The following ELMO1 variants were observed in gnomAD, a reference collection of about 807,000 sequenced individuals.
The protein encoded by ELMO1 is engulfment and cell motility protein 1.
ELMO1 carries 26 observed loss-of-function variants against 98.9 expected under a neutral mutation model. That is an observed-to-expected ratio of 0.26 (90% CI 0.19 to 0.36). ELMO1 has a LOEUF of 0.36. Among genes scored for constraint, ELMO1 ranks in the 10% least tolerant of loss-of-function variants. ELMO1 has a pLI of 1.00. For missense variants in ELMO1, 627 were observed against 935.2 expected (o/e 0.67, Z 4.30); for synonymous variants, 346 against 346.0 (o/e 1.00, Z 0.00).
At chr7:37,154,940 G>T (rs1469849075) in intron 13 of ELMO1, among the ~76,000 whole-genome samples, 2 of 152,226 alleles carry the variant, frequency 1.3e-5, no homozygotes, top group African/African-American at 4.8e-5. Context: ...ACAAAGGGAA[G>T]CCCATCAGAC....
chr7:37,235,929 A>C (rs1794437272), intron 7 of ELMO1, among the ~76,000 whole-genome samples: 1 of 152,212 alleles, frequency 6.6e-6, no homozygotes, highest in African/African-American at 2.4e-5. Flanking sequence ...AAGAAAGATA[A>C]AACAAATAAA....
chr7:37,370,530 T>C (rs1802076082), intron 1 of ELMO1, among the ~76,000 whole-genome samples: 1 of 152,102 alleles, frequency 6.6e-6, no homozygotes, highest in African/African-American at 2.4e-5. Context: ...GTGACATCGA[T>C]AATGAACAAA....
At chr7:37,187,217 T>G (rs1791262946) in intron 13 of ELMO1, among the ~76,000 whole-genome samples, 1 of 152,162 alleles carries the variant, frequency 6.6e-6, no homozygotes, top group South Asian at 2.1e-4. Flanking sequence ...CAAAAGACTA[T>G]GTATTGTATG....
At chr7:36,924,719 T>C (rs1190944918) in intron 16 of ELMO1, among the ~76,000 whole-genome samples, 1 of 152,044 alleles carries the variant, frequency 6.6e-6, no homozygotes, top group African/African-American at 2.4e-5. Flanking sequence ...TTTCATCTGA[T>C]GGAGGCCATC....
At chr7:37,346,197 G>A (rs566593930) in intron 1 of ELMO1, among the ~76,000 whole-genome samples, 2 of 152,214 alleles carry the variant, frequency 1.3e-5, no homozygotes, top group East Asian at 1.9e-4. Context: ...TGACCCCCTG[G>A]ACACTTCCAC....
chr7:37,180,899 T>A lies in ELMO1; in HGVS notation c.1086+30487A>T, dbSNP rs535991060. ...AGGAAATGAGGCAAAACATCAACAG[T>A]GAATATATCTGGTGGAAGGTTATGC... On this transcript the variant is annotated intron_variant, in intron 13 of 21. Coordinates refer to ENST00000310758, the MANE Select transcript of ELMO1 (RefSeq NM_014800.11). Among the ~76,000 whole-genome samples, 312 of 151,598 alleles carry A rather than the reference T, an allele frequency of 2.1e-3. 2 individuals carry two copies. The highest frequency in any genetic ancestry group is 7.5e-3 in the African/African-American group (308 of 41,294).
chr7:37,272,871 G>C (rs995250212), intron 4 of ELMO1, among the ~76,000 whole-genome samples: 1 of 152,302 alleles, frequency 6.6e-6, no homozygotes, highest in Middle Eastern at 3.4e-3. Flanking sequence ...GGCTGGGGGA[G>C]GGAGGGAATG....
intron 1 of ELMO1, among the ~76,000 whole-genome samples, chr7:37,443,076 G>C (rs1562695492): frequency 6.6e-6 from 1 of 152,078 alleles, no homozygotes; most frequent in Non-Finnish European, 1.5e-5. Flanking sequence ...CCAGAGGAAG[G>C]GTGTGTCAGG....
chr7:36,954,564 C>A (rs1403812871), intron 16 of ELMO1, among the ~76,000 whole-genome samples: 2 of 152,134 alleles, frequency 1.3e-5, no homozygotes, highest in African/African-American at 2.4e-5. Flanking sequence ...AAAATGCTAG[C>A]AACTCCTTTA....
intron 16 of ELMO1, among the ~76,000 whole-genome samples, chr7:36,930,149 C>T (rs753176752): frequency 3.9e-5 from 6 of 152,192 alleles, no homozygotes; most frequent in East Asian, 3.9e-4. Context: ...CCCTGGTGTA[C>T]GGGTCTCCCC....
rs183264491 is a variant in ELMO1, at chr7:36,898,780, C to T, written c.1438-3763G>A. Among the ~76,000 whole-genome samples the T allele has an allele frequency of 5.3e-4, 81 of 152,342 alleles. 1 individual carries two copies. In the East Asian group the frequency reaches 5.8e-3, roughly 11 times the overall value. ...TTCTTCAACAAATGTTTTGTGAGCACCTACTCAGTGCAAGGAATGACGCGA... is the reference window on the plus strand; with the variant it reads ...TTCTTCAACAAATGTTTTGTGAGCATCTACTCAGTGCAAGGAATGACGCGA... On this transcript the variant is annotated intron_variant, in intron 16 of 21. Coordinates refer to ENST00000310758, the MANE Select transcript of ELMO1 (RefSeq NM_014800.11).
chr7:37,331,199 TC>T (rs1241899206), intron 2 of ELMO1, among the ~76,000 whole-genome samples: 35 of 150,864 alleles, frequency 2.3e-4, no homozygotes, highest in African/African-American at 8.3e-4. Context: ...AGACACAGTC[TC>T]GCTCTGTCGC....
chr7:37,286,076 A>C (rs962400790), intron 4 of ELMO1, among the ~76,000 whole-genome samples: 2 of 152,154 alleles, frequency 1.3e-5, no homozygotes, highest in African/African-American at 4.8e-5. Flanking sequence ...GGGCCATTCC[A>C]GTGGCATGAG....
At chr7:37,294,289 G>A (rs566222725) in intron 4 of ELMO1, among the ~76,000 whole-genome samples, 5 of 151,828 alleles carry the variant, frequency 3.3e-5, no homozygotes, top group Admixed American at 6.6e-5. Flanking sequence ...CCCGGGAGGC[G>A]GAGGTTGCAG....
intron 1 of ELMO1, chr7:37,351,298 T>C (rs917714572): frequency 6.6e-6 from 1 of 152,248 alleles, no homozygotes; most frequent in Non-Finnish European, 1.5e-5. Context: ...CAACCTAGTA[T>C]AAATATCCTT....
intron 16 of ELMO1, among the ~76,000 whole-genome samples, chr7:36,997,502 T>C (rs914060760): frequency 2.0e-5 from 3 of 152,004 alleles, no homozygotes; most frequent in Non-Finnish European, 4.4e-5. Flanking sequence ...AGAGAAAAGG[T>C]AGGGAAGCCA....
At chr7:37,217,881 A>ACGCCCCTGCTG in intron 10 of ELMO1, 2 of 439,194 alleles carry the variant, frequency 4.6e-6, no homozygotes, top group South Asian at 3.3e-5. Flanking sequence ...ACTGCATTGA[A>ACGCCCCTGCTG]AAGTGCTTAA....
intron 13 of ELMO1, among the ~76,000 whole-genome samples, chr7:37,148,990 G>A (rs886357349): frequency 6.6e-6 from 1 of 152,188 alleles, no homozygotes; most frequent in Non-Finnish European, 1.5e-5. Context: ...GGTGGGTCTT[G>A]ATAATCCATC....
intron 13 of ELMO1, among the ~76,000 whole-genome samples, chr7:37,187,907 A>C (rs2130097421): frequency 6.6e-6 from 1 of 152,290 alleles, no homozygotes; most frequent in South Asian, 2.1e-4. Flanking sequence ...CATTTCTAGA[A>C]ATTTCTATCC....
Sources: allele counts gnomAD v4.1 joint callset (sites outside exome capture counted in the v4.1 genomes callset), GRCh38; gene constraint gnomAD v4.1.1; transcripts MANE v1.5; gene names NCBI Gene and HGNC (gene_info 2026-07-23, HGNC 2026-07-21).